The following EML6 variants were observed in gnomAD, a reference collection of about 807,000 sequenced individuals.
The protein encoded by EML6 is echinoderm microtubule-associated protein-like 6.
Under a neutral mutation model 240.1 loss-of-function variants are expected in EML6, and 154 were observed. The ratio of observed to expected loss-of-function variants is 0.64; its 90% confidence interval spans 0.56 to 0.73. EML6 has a LOEUF of 0.73. Ranked by LOEUF, EML6 falls within the 30% of genes least tolerant of loss-of-function variation. The pLI is 0.00. For missense variants in EML6, 2,964 were observed against 2,474.6 expected, an observed-to-expected ratio of 1.20 and a Z score of -4.20; for synonymous variants, 1,148 against 899.0, an observed-to-expected ratio of 1.28 and a Z score of -4.95.
chr2:54,863,299 C>T lies in EML6; in HGVS notation c.1826-484C>T, dbSNP rs538924477. 2.6e-5 allele frequency among the ~76,000 whole-genome samples: 4 copies of T among 152,322 alleles called. No individual in the cohort carries two copies. In the East Asian group the frequency reaches 7.7e-4, roughly 29 times the overall value. ...AGCTTAAAACCCAGGTATCTGCTAT[C>T]TAATAGAAATGTGTAAATGACCAAC... is the stretch of plus-strand genomic sequence containing the variant. On this transcript the variant is annotated intron_variant, in intron 12 of 41. Coordinates refer to ENST00000356458, the MANE Select transcript of EML6 (RefSeq NM_001039753.4).
chr2:54,911,169 C>G (rs996912120), intron 25 of EML6, 127 bp downstream of exon 25: 6 of 523,636 alleles, frequency 1.1e-5, no homozygotes, highest in African/African-American at 9.4e-5. Flanking sequence ...TTGATCGTGT[C>G]TTCAATCTGA....
intron 35 of EML6, among the ~76,000 whole-genome samples, chr2:54,961,059 G>A (rs6741304): frequency 0.56 from 85,022 of 151,618 alleles, 26,442 homozygotes; most frequent in Middle Eastern, 0.71. Flanking sequence ...AACTGGATAT[G>A]GAGTACCACA....
Position 54,916,921 on chromosome 2 carries a change from T to C in EML6, c.3661T>C (p.Ser1221Pro). 1 of 1,542,730 alleles carries C rather than the reference T, an allele frequency of 6.5e-7. No individual in the cohort carries two copies. The highest frequency in any genetic ancestry group is 8.8e-7 in the Non-Finnish European group (1 of 1,139,282). ...GDDFGFVKLF[S>P]YPVKGQHARF... is the part of the protein sequence containing the mutation. The stretch of plus-strand genomic sequence containing the variant: ...TGATTTTGGTTTCGTTAAGCTTTTT[T>C]CATATCCTGTCAAGGTAATATTGCG... The change falls in exon 26 of 42, where the codon TCA becomes CCA. Residue 1221 changes from serine (S) to proline (P), a missense_variant. Ser to Pro is a moderately conservative substitution (Grantham distance 74). Transcript: ENST00000356458.
intron 2 of EML6, among the ~76,000 whole-genome samples, chr2:54,803,266 C>T (rs1670278309): frequency 6.6e-6 from 1 of 152,160 alleles, no homozygotes; most frequent in South Asian, 2.1e-4. Flanking sequence ...GTTTCATGAA[C>T]ATAAATGATC....
intron 2 of EML6, among the ~76,000 whole-genome samples, chr2:54,780,449 T>A (rs1250586151): frequency 6.6e-6 from 1 of 152,204 alleles, no homozygotes; most frequent in Non-Finnish European, 1.5e-5. Context: ...GAGATCTTCT[T>A]TGCACATGCT....
At chr2:54,890,051 A>G (rs1672384617) in intron 17 of EML6, among the ~76,000 whole-genome samples, 1 of 152,166 alleles carries the variant, frequency 6.6e-6, no homozygotes, top group Non-Finnish European at 1.5e-5. Flanking sequence ...GCATCCTTTA[A>G]TTTCTACTGT....
chr2:54,952,902 G>A (rs1450747109), intron 31 of EML6, among the ~76,000 whole-genome samples: 3 of 152,230 alleles, frequency 2.0e-5, no homozygotes, highest in East Asian at 3.9e-4. Flanking sequence ...TCTGACCAGC[G>A]CCTGAGAGTC....
At chr2:54,861,289 C>T (rs558760500) in intron 12 of EML6, among the ~76,000 whole-genome samples, 1 of 152,206 alleles carries the variant, frequency 6.6e-6, no homozygotes, top group African/African-American at 2.4e-5. Flanking sequence ...CCACCTGTCT[C>T]CTTAATGAAC....
exon 42 of EML6, chr2:54,972,024 CAT>C (rs1218428880): frequency 2.0e-5 from 3 of 150,924 alleles, no homozygotes; most frequent in Non-Finnish European, 3.0e-5. Flanking sequence ...TATGTAAACA[CAT>C]TTGTTGACTT....
At chr2:54,938,067 C>G (rs1377183062) in intron 28 of EML6, among the ~76,000 whole-genome samples, 1 of 152,184 alleles carries the variant, frequency 6.6e-6, no homozygotes, top group Non-Finnish European at 1.5e-5. Flanking sequence ...TAGGTGGGGC[C>G]AGGTGCTGTG....
chr2:54,771,644 G>A (rs1668406432), intron 2 of EML6, among the ~76,000 whole-genome samples: 1 of 152,246 alleles, frequency 6.6e-6, no homozygotes, highest in African/African-American at 2.4e-5. Flanking sequence ...GTGTGTGAAT[G>A]TATGTGTATA....
chr2:54,753,796 C>A (rs571544156), intron 2 of EML6, among the ~76,000 whole-genome samples: 7 of 151,620 alleles, frequency 4.6e-5, no homozygotes, highest in Non-Finnish European at 7.4e-5. Flanking sequence ...CTCAGCCTCC[C>A]GAGTAGTTGG....
intron 2 of EML6, among the ~76,000 whole-genome samples, chr2:54,801,600 C>G (rs1670152254): frequency 6.6e-6 from 1 of 152,080 alleles, no homozygotes; most frequent in African/African-American, 2.4e-5. Context: ...CCCATGAAAC[C>G]ATTTCTGTTG....
intron 24 of EML6, 140 bp from the exon 25 acceptor site, chr2:54,910,814 T>TC (rs1315808410): frequency 1.8e-6 from 1 of 552,616 alleles, no homozygotes; most frequent in East Asian, 2.8e-5. Context: ...TACATGCCCT[T>TC]CTGAATAATT....
chr2:54,918,419 G>A (rs551832091), intron 26 of EML6, among the ~76,000 whole-genome samples: 15 of 152,260 alleles, frequency 9.9e-5, no homozygotes, highest in South Asian at 8.3e-4. Context: ...CACGATCACC[G>A]CTCACTGCAG....
In EML6 at chr2:54,871,562, G is replaced by A; in HGVS notation, c.2301G>A (p.Leu767=). ...DTQTLKCLSL[L]KGQHQRGVCA... ...AAACTCTAAAATGTTTGTCGCTGTTGAAAGGACAACATCAGAGAGGAGTGT... is the reference window on the plus strand; with the variant it reads ...AAACTCTAAAATGTTTGTCGCTGTTAAAAGGACAACATCAGAGAGGAGTGT... Residue 767 remains leucine, a synonymous_variant, in exon 16 of 42, where the codon TTG becomes TTA. Transcript: ENST00000356458. 6.4e-6 allele frequency: 10 copies of A among 1,551,742 alleles called. No homozygotes were observed. The highest frequency in any genetic ancestry group is 8.7e-6 in the Non-Finnish European group (10 of 1,146,954).
At chr2:54,857,403 CT>C (rs1391886534) in intron 11 of EML6, among the ~76,000 whole-genome samples, 3 of 152,128 alleles carry the variant, frequency 2.0e-5, no homozygotes, top group African/African-American at 7.2e-5. Flanking sequence ...CAGGGAAAGC[CT>C]TATGAGAGAC....
At chr2:54,784,556 C>A (rs908035464) in intron 2 of EML6, among the ~76,000 whole-genome samples, 5 of 152,126 alleles carry the variant, frequency 3.3e-5, no homozygotes, top group East Asian at 1.9e-4. Flanking sequence ...CACCCCCTTG[C>A]GGTGAAAATC....
chr2:54,879,663 C>T (rs770659395), intron 17 of EML6, 23 bp downstream of exon 17: 61 of 1,380,668 alleles, frequency 4.4e-5, no homozygotes, highest in Middle Eastern at 1.7e-4. Context: ...CGGGATCTTA[C>T]GGTATCCTGC....
Sources: allele counts gnomAD v4.1 joint callset (sites outside exome capture counted in the v4.1 genomes callset), GRCh38; gene constraint gnomAD v4.1.1; transcripts MANE v1.5; gene names NCBI Gene and HGNC (gene_info 2026-07-23, HGNC 2026-07-21).